The following MARF1 variants were observed in gnomAD, a reference collection of about 807,000 sequenced individuals.
The protein encoded by MARF1 is meiosis regulator and mRNA stability factor 1.
Under a neutral mutation model 168.2 loss-of-function variants are expected in MARF1, and 24 were observed. That is an observed-to-expected ratio of 0.14 (90% confidence interval 0.10 to 0.20). The LOEUF (loss-of-function observed/expected upper bound fraction) is 0.20, where lower values mean the gene tolerates loss of function less well. Ranked by LOEUF, MARF1 falls within the 10% of genes least tolerant of loss-of-function variation. MARF1 has a pLI of 1.00. For missense variants in MARF1, 1,744 were observed against 2,143.6 expected (o/e 0.81, Z 3.68); for synonymous variants, 868 against 822.4 (o/e 1.06, Z -0.95).
At chr16:15,615,789 T>C (rs376420171) in intron 16 of MARF1, 41 bp downstream of exon 16, 3 of 1,426,262 alleles carry the variant, frequency 2.1e-6, no homozygotes, top group African/African-American at 1.5e-5. Flanking sequence ...GGTCTCATAG[T>C]GGACAGGTGG....
At chr16:15,601,070 A>G (rs1267644314) in intron 23 of MARF1, 1 of 510,218 alleles carries the variant, frequency 2.0e-6, no homozygotes, top group Non-Finnish European at 3.8e-6. Flanking sequence ...AATTAAGAGC[A>G]ATCTCTCAGA....
intron 7 of MARF1, among the ~76,000 whole-genome samples, chr16:15,629,428 T>C (rs142242875): frequency 2.4e-3 from 360 of 152,284 alleles, no homozygotes; most frequent in African/African-American, 8.2e-3. Flanking sequence ...GGAATCAGGA[T>C]ACCCGGGGCC....
chr16:15,636,256 T>G lies in MARF1; in HGVS notation c.231A>C (p.Ala77=), dbSNP rs1383020544. ...GAGAACGAATATCAGGAAGTGGGAC[T>G]GCTGGAAAAAGCTTAGAGCCAGCAT... ...PLHAGSKLFP[A]VPLPDIRSLQ... The change falls in exon 3 of 27, where the codon GCA becomes GCC. Residue 77 remains alanine (A), a synonymous_variant. Transcript: ENST00000396368. 2 of 1,613,830 alleles carry G rather than the reference T, an allele frequency of 1.2e-6. No homozygotes were observed. The highest frequency in any genetic ancestry group is 1.3e-5 in the African/African-American group (1 of 74,934).
At chr16:15,632,829 G>A (rs151163991) in intron 5 of MARF1, among the ~76,000 whole-genome samples, 101 of 152,224 alleles carry the variant, frequency 6.6e-4, no homozygotes, top group African/African-American at 2.4e-3. Context: ...GCAGACTCTG[G>A]GGGTCAGACA....
chr16:15,623,249 T>C (rs1165243821), intron 10 of MARF1, 126 bp from the exon 11 acceptor site: 2 of 552,502 alleles, frequency 3.6e-6, no homozygotes, highest in Non-Finnish European at 5.7e-6. Context: ...AAACCAAACA[T>C]TTGGTTTTCA....
intron 3 of MARF1, chr16:15,635,282 A>G (rs2151295099): frequency 2.6e-6 from 1 of 383,708 alleles, no homozygotes; most frequent in Non-Finnish European, 4.7e-6. Flanking sequence ...TTCCCACATT[A>G]TTGCAAAAAG....
chr16:15,625,857 T>C (rs2034806434), intron 7 of MARF1, 57 bp from the exon 8 acceptor site: 6 of 1,414,236 alleles, frequency 4.2e-6, no homozygotes, highest in Admixed American at 3.8e-5. Flanking sequence ...ACATTCAATT[T>C]CAAAATAAGA....
chr16:15,640,068 AAAG>A, intron 1 of MARF1, among the ~76,000 whole-genome samples: 1 of 152,310 alleles, frequency 6.6e-6, no homozygotes, highest in South Asian at 2.1e-4. Flanking sequence ...CTCTCTCCCT[AAAG>A]ATGCTGCTCA....
Position 15,596,562 on chromosome 16 carries a change from AC to A in MARF1, c.*130del. The A allele has an allele frequency of 1.2e-6, 1 of 826,952 alleles. No homozygotes were observed. The highest frequency in any genetic ancestry group is 1.8e-6 in the Non-Finnish European group (1 of 559,332). The allele number at this position is 826,952 out of a possible 1,614,324, so 51.2% of individuals were successfully genotyped here. A position where few individuals can be genotyped will look rare whatever the true frequency, so the allele number is the denominator to read the frequency against. On this transcript the variant is annotated 3_prime_UTR_variant, in exon 27 of 27. Coordinates refer to ENST00000396368, the MANE Select transcript of MARF1 (RefSeq NM_014647.4). ...CAATGGAAAAGAAAAACATGATAGA[AC>A]ACAGGTAAGATGAAGTCAATGGCTT...
rs770355464 is a variant in MARF1 at position 15,612,672 on chromosome 16, G to C, written c.3359C>G (p.Pro1120Arg). The C allele has an allele frequency of 6.2e-6, 10 of 1,613,980 alleles. No homozygotes were observed. Among genetic ancestry groups the C allele is most frequent in the Non-Finnish European group, 8.5e-6 (10 of 1,179,992 alleles). Residue 1120 changes from proline to arginine, a missense_variant, in exon 17 of 27, where the codon CCC becomes CGC. Coordinates refer to ENST00000396368, the MANE Select transcript of MARF1 (RefSeq NM_014647.4). Reference sequence around the variant, plus strand: ...ATAGGATGGGATGAAATGACTGATGGGTATGACACAAGATGGCTGGCTTTT... The same window carrying C: ...ATAGGATGGGATGAAATGACTGATGCGTATGACACAAGATGGCTGGCTTTT... The part of the protein sequence containing the change: ...LLKSQPSCVI[P>R]ISHFIPSYHH...
At chr16:15,640,594 G>A (rs2035886650) in intron 1 of MARF1, among the ~76,000 whole-genome samples, 1 of 152,178 alleles carries the variant, frequency 6.6e-6, no homozygotes. Flanking sequence ...TACTCAGGAG[G>A]CTATGGTGGA....
In MARF1 at chr16:15,623,021, A is replaced by G; in HGVS notation, c.2373T>C (p.Ala791=). ...ADCPDPFANG[A]DVQVSNIDYR... is the part of the protein sequence containing the mutation. ...AGTCTATGTTGCTGACTTGGACATC[A>G]GCACCATTTGCAAATGGGTCTGGGC... is the stretch of plus-strand genomic sequence containing the variant. The change falls in exon 11 of 27, where the codon GCT becomes GCC. Residue 791 remains alanine, a synonymous_variant. Coordinates refer to ENST00000396368, the MANE Select transcript of MARF1 (RefSeq NM_014647.4). 1 of 1,611,438 alleles carries G rather than the reference A, an allele frequency of 6.2e-7. No individual in the cohort carries two copies. Among genetic ancestry groups the G allele is most frequent in the Non-Finnish European group, 8.5e-7 (1 of 1,177,702 alleles).
At chr16:15,597,933 C>T (rs529340737) in intron 26 of MARF1, among the ~76,000 whole-genome samples, 1 of 152,142 alleles carries the variant, frequency 6.6e-6, no homozygotes, top group Non-Finnish European at 1.5e-5. Flanking sequence ...TTTTCCAAGT[C>T]AACAGCCTCA....
intron 1 of MARF1, among the ~76,000 whole-genome samples, chr16:15,639,885 T>C (rs2035837567): frequency 6.6e-6 from 1 of 152,224 alleles, no homozygotes; most frequent in Non-Finnish European, 1.5e-5. Context: ...TCATGTTTCA[T>C]AGCTCTTCAA....
intron 5 of MARF1, among the ~76,000 whole-genome samples, chr16:15,632,657 G>C (rs926264154): frequency 6.6e-6 from 1 of 152,174 alleles, no homozygotes; most frequent in African/African-American, 2.4e-5. Flanking sequence ...GGAAGGAAAG[G>C]TTTATTTTGA....
chr16:15,611,096 C>T lies in MARF1; in HGVS notation c.3630G>A (p.Lys1210=). ...FSQAYHWCFS[K]DWDVTEYGVC... ...CACCATATTCAGTGACATCCCAGTC[C>T]TTTGAGAAACACCTAGGTTTTAACA... The change falls in exon 19 of 27, where the codon AAG becomes AAA. Residue 1210 remains lysine (K), a synonymous_variant. Transcript: ENST00000396368. The T allele has an allele frequency of 6.2e-7, 1 of 1,613,816 alleles. No homozygotes were observed. The highest frequency in any genetic ancestry group is 8.5e-7 in the Non-Finnish European group (1 of 1,179,796).
intron 7 of MARF1, among the ~76,000 whole-genome samples, chr16:15,627,414 T>A (rs541122284): frequency 6.6e-6 from 1 of 152,118 alleles, no homozygotes; most frequent in East Asian, 1.9e-4. Flanking sequence ...AGGTCAGAAG[T>A]TCGAGGCAAG....
chr16:15,612,174 A>G (rs1328619749), intron 17 of MARF1, among the ~76,000 whole-genome samples: 2 of 152,176 alleles, frequency 1.3e-5, no homozygotes, highest in African/African-American at 2.4e-5. Flanking sequence ...CTTGTCTCCA[A>G]CTAGTTAAAT....
chr16:15,615,937 G>A lies in MARF1; in HGVS notation c.3146C>T (p.Pro1049Leu). Reference protein sequence around the residue: ...EVVQENQGGVPLEHFITCVPG... With the variant: ...EVVQENQGGVLLEHFITCVPG... Reference sequence around the variant, plus strand: ...AACACAGGTAATGAAGTGTTCTAAGGGAACACCTCCTTGGTTTTCTTGCAC... The same window carrying A: ...AACACAGGTAATGAAGTGTTCTAAGAGAACACCTCCTTGGTTTTCTTGCAC... The change falls in exon 16 of 27, where the codon CCC becomes CTC. Residue 1049 changes from proline (P) to leucine (L), a missense_variant. Coordinates refer to ENST00000396368, the MANE Select transcript of MARF1 (RefSeq NM_014647.4). 1 of 1,586,232 alleles carries A rather than the reference G, an allele frequency of 6.3e-7. No homozygotes were observed. The highest frequency in any genetic ancestry group is 8.6e-7 in the Non-Finnish European group (1 of 1,164,164).
Sources: gnomAD v4.1 joint callset for allele counts (sites outside exome capture counted in the v4.1 genomes callset) on GRCh38, gnomAD v4.1.1 for gene constraint, MANE v1.5 for transcripts, NCBI Gene and HGNC (gene_info 2026-07-23, HGNC 2026-07-21) for gene names.